Variants in STK10 observed in about 807,000 individuals in gnomAD.
STK10 encodes the protein serine/threonine kinase 10.
STK10 carries 78 observed loss-of-function variants against 113.8 expected under a neutral mutation model. The ratio of observed to expected loss-of-function variants is 0.69; its 90% CI spans 0.57 to 0.83. The LOEUF (loss-of-function observed/expected upper bound fraction) is 0.83, where lower values mean the gene tolerates loss of function less well. STK10 is among the 40% of genes least tolerant of loss of function. The pLI, the probability that STK10 is intolerant of heterozygous loss-of-function variation, is 0.00. For missense variants in STK10, 1,109 were observed against 1,280.1 expected (o/e 0.87, Z 2.04); for synonymous variants, 465 against 494.7 (o/e 0.94, Z 0.80).
intron 12 of STK10, among the ~76,000 whole-genome samples, chr5:172,079,579 G>C (rs1319996017): frequency 7.7e-6 from 1 of 129,632 alleles, no homozygotes; most frequent in African/African-American, 3.0e-5. Context: ...ATTTATTTTT[G>C]AGATGGAGTT....
chr5:172,134,473 T>C (rs1289371394), intron 2 of STK10, among the ~76,000 whole-genome samples: 1 of 152,128 alleles, frequency 6.6e-6, no homozygotes, highest in Non-Finnish European at 1.5e-5. Flanking sequence ...TGAGGACCTC[T>C]AAATATGTGT....
At chr5:172,138,738 C>T (rs568409081) in intron 2 of STK10, among the ~76,000 whole-genome samples, 5 of 152,206 alleles carry the variant, frequency 3.3e-5, no homozygotes, top group African/African-American at 7.2e-5. Context: ...ATTGGCCAGG[C>T]GCGGTGGCTC....
intron 3 of STK10, among the ~76,000 whole-genome samples, chr5:172,119,719 C>A (rs181872377): frequency 6.8e-6 from 1 of 146,030 alleles, no homozygotes; most frequent in Non-Finnish European, 1.5e-5. Context: ...AAAAAATTAG[C>A]CGGGCGTAGT....
chr5:172,185,822 G>C (rs746482043), intron 1 of STK10, among the ~76,000 whole-genome samples: 1 of 152,236 alleles, frequency 6.6e-6, no homozygotes, highest in Non-Finnish European at 1.5e-5. Context: ...ACGTGCTGAG[G>C]ACAGGGTGAG....
chr5:172,166,948 T>G (rs1415860999), intron 1 of STK10, among the ~76,000 whole-genome samples: 2 of 151,782 alleles, frequency 1.3e-5, no homozygotes, highest in African/African-American at 2.4e-5. Context: ...GATCAGAAAG[T>G]CAGAAGTTCG....
intron 2 of STK10, among the ~76,000 whole-genome samples, chr5:172,138,482 T>C (rs754687678): frequency 2.6e-5 from 4 of 152,088 alleles, no homozygotes; most frequent in Non-Finnish European, 4.4e-5. Flanking sequence ...CTAAAGATTA[T>C]GCAAGAAAGT....
chr5:172,104,658 A>C (rs11749706), intron 7 of STK10, among the ~76,000 whole-genome samples: 1 of 152,130 alleles, frequency 6.6e-6, no homozygotes, highest in Non-Finnish European at 1.5e-5. Flanking sequence ...GCAGAAAATA[A>C]CACAGCAAGC....
chr5:172,055,881 G>A (rs962790997), intron 15 of STK10, 105 bp from the exon 16 acceptor site: 13 of 936,838 alleles, frequency 1.4e-5, no homozygotes, highest in African/African-American at 1.7e-5. Flanking sequence ...CAGGACCAAC[G>A]CAGCCCACAA....
intron 1 of STK10, among the ~76,000 whole-genome samples, chr5:172,165,894 A>G (rs1221824519): frequency 6.6e-6 from 1 of 152,018 alleles, no homozygotes; most frequent in African/African-American, 2.4e-5. Flanking sequence ...CCCGGATTCA[A>G]GTGATTCTCC....
At chr5:172,056,820 G>A (rs898518203) in intron 15 of STK10, among the ~76,000 whole-genome samples, 3 of 151,082 alleles carry the variant, frequency 2.0e-5, no homozygotes, top group Non-Finnish European at 4.4e-5. Flanking sequence ...GTTGCAGTGA[G>A]CCTAGATGGC....
At chr5:172,049,000 T>C (rs939144494) in intron 18 of STK10, among the ~76,000 whole-genome samples, 5 of 152,078 alleles carry the variant, frequency 3.3e-5, no homozygotes, top group African/African-American at 1.2e-4. Flanking sequence ...CCTCCCTCCC[T>C]CAGGTCCTTC....
At position 172,085,270 on chromosome 5, in the gene STK10, A is replaced by C. The variant is rs1258284725; in HGVS notation, c.1686-2186T>G. 8.6e-5 allele frequency among the ~76,000 whole-genome samples: 13 copies of C among 152,022 alleles called. 1 individual carries two copies. The highest frequency in any genetic ancestry group is 8.5e-4 in the Admixed American group (13 of 15,258). ...TAAAAAAAGAAAAAAAAATTGACCT[A>C]AGCAACATGCCCTAATTATATATAT... On this transcript the variant is annotated intron_variant, in intron 10 of 18. Coordinates refer to ENST00000176763, the MANE Select transcript of STK10 (RefSeq NM_005990.4).
At chr5:172,160,684 C>T (rs745633593) in intron 1 of STK10, among the ~76,000 whole-genome samples, 6 of 152,166 alleles carry the variant, frequency 3.9e-5, no homozygotes, top group Middle Eastern at 3.2e-3. Context: ...CCGGAAATTC[C>T]GGCTGGCCAA....
intron 4 of STK10, 119 bp downstream of exon 4, chr5:172,117,362 G>T: frequency 8.8e-7 from 1 of 1,139,018 alleles, no homozygotes; most frequent in South Asian, 1.5e-5. Context: ...CCAAGAGGGC[G>T]TAGGCGTGAG....
intron 7 of STK10, 77 bp downstream of exon 7, chr5:172,105,579 T>C (rs937730447): frequency 1.3e-6 from 2 of 1,489,148 alleles, no homozygotes; most frequent in African/African-American, 1.4e-5. Context: ...GGTGAGAACA[T>C]GCCCAGCGTC....
At chr5:172,139,216 G>C (rs572548018) in intron 2 of STK10, among the ~76,000 whole-genome samples, 1 of 152,126 alleles carries the variant, frequency 6.6e-6, no homozygotes, top group South Asian at 2.1e-4. Flanking sequence ...AATCTCAAGG[G>C]ACCCTAAATA....
At chr5:172,131,602 G>T (rs1368365646) in intron 2 of STK10, among the ~76,000 whole-genome samples, 3 of 152,102 alleles carry the variant, frequency 2.0e-5, no homozygotes, top group Non-Finnish European at 4.4e-5. Flanking sequence ...AAGTTCCTCA[G>T]CTTTGGTTTG....
intron 1 of STK10, among the ~76,000 whole-genome samples, chr5:172,175,640 C>T (rs926274116): frequency 4.6e-5 from 7 of 152,220 alleles, no homozygotes; most frequent in African/African-American, 1.7e-4. Flanking sequence ...CATCGCCATC[C>T]AGCTGAGGCA....
intron 7 of STK10, among the ~76,000 whole-genome samples, chr5:172,099,386 C>G (rs1768930146): frequency 1.3e-5 from 2 of 152,010 alleles, no homozygotes; most frequent in South Asian, 4.1e-4. Context: ...CTAAAAATAA[C>G]AAAAATTAGC....
Sources: gnomAD v4.1 joint callset for allele counts (sites outside exome capture counted in the v4.1 genomes callset) on GRCh38, gnomAD v4.1.1 for gene constraint, MANE v1.5 for transcripts, NCBI Gene and HGNC (gene_info 2026-07-23, HGNC 2026-07-21) for gene names.